The following MTARC2 variants were observed in gnomAD, a reference collection of about 807,000 sequenced individuals.
The protein encoded by MTARC2 is MOCO sulphurase C-terminal domain containing 2.
In MTARC2, 27 loss-of-function variants were observed where a neutral mutation model predicts 35.6. That is an observed-to-expected ratio of 0.76 (90% confidence interval 0.56 to 1.04). The LOEUF (loss-of-function observed/expected upper bound fraction) is 1.04. Ranked by LOEUF, MTARC2 falls within the 50% of genes least tolerant of loss-of-function variation. The pLI is 0.00. For missense variants in MTARC2, 412 were observed against 432.5 expected (o/e 0.95, Z 0.42); for synonymous variants, 158 against 167.1 (o/e 0.95, Z 0.42).
At chr1:220,750,166 C>T (rs903273472) in intron 1 of MTARC2, among the ~76,000 whole-genome samples, 3 of 152,028 alleles carry the variant, frequency 2.0e-5, no homozygotes, top group African/African-American at 4.8e-5. Flanking sequence ...GGATTTTATC[C>T]GAGACCATGA....
rs772650406 is a variant in MTARC2, at chr1:220,762,904, G to T, written c.610-6G>T. On this transcript the variant is annotated splice_polypyrimidine_tract_variant and splice_region_variant and intron_variant, in intron 3 of 7. Coordinates refer to ENST00000366913, the MANE Select transcript of MTARC2 (RefSeq NM_017898.5). ...TGGGGCCTGACTATCCTGTGTTCTT[G>T]GCAAGGTGGCCTACCCAGACTACTG... The T allele has an allele frequency of 6.8e-6, 11 of 1,613,916 alleles. No individual in the cohort carries two copies. Among genetic ancestry groups the T allele is most frequent in the Non-Finnish European group, 8.5e-6 (10 of 1,179,976 alleles).
At chr1:220,769,854 T>G (rs562838697) in intron 4 of MTARC2, among the ~76,000 whole-genome samples, 41 of 147,808 alleles carry the variant, frequency 2.8e-4, no homozygotes, top group African/African-American at 9.8e-4. Flanking sequence ...TTTCTTTTTT[T>G]TTTTGGCGGT....
At chr1:220,763,281 A>G (rs1014179515) in intron 4 of MTARC2, among the ~76,000 whole-genome samples, 1 of 152,212 alleles carries the variant, frequency 6.6e-6, no homozygotes, top group African/African-American at 2.4e-5. Flanking sequence ...CAAAGCAAAC[A>G]GTCAAAACTC....
Position 220,762,988 on chromosome 1 carries a change from A to G in MTARC2, c.688A>G (p.Lys230Glu), listed in dbSNP as rs1462329629. ...LVDLNTRMEK[K>E]MKMENFRPNI... is the part of the protein sequence containing the mutation. ...AGATTTGAATACCAGGATGGAGAAG[A>G]AAATGAAAATGGAGAATTTCAGGCC... The change falls in exon 4 of 8, where the codon AAA becomes GAA. Residue 230 changes from lysine to glutamate, a missense_variant. By Grantham distance (56) the Lys-to-Glu change is moderately conservative. Transcript: ENST00000366913. 1.9e-6 allele frequency: 3 copies of G among 1,614,210 alleles called. No homozygotes were observed. Among genetic ancestry groups the G allele is most frequent in the Non-Finnish European group, 1.7e-6 (2 of 1,180,038 alleles).
chr1:220,764,058 T>C (rs971211232), intron 4 of MTARC2, among the ~76,000 whole-genome samples: 1 of 152,100 alleles, frequency 6.6e-6, no homozygotes, highest in African/African-American at 2.4e-5. Flanking sequence ...CCTGAATGAA[T>C]GACCGTACTT....
intron 4 of MTARC2, among the ~76,000 whole-genome samples, chr1:220,779,552 G>A (rs937975897): frequency 6.6e-6 from 1 of 152,148 alleles, no homozygotes; most frequent in Non-Finnish European, 1.5e-5. Flanking sequence ...CCCATTAGCA[G>A]GCTGCCTGTC....
intron 1 of MTARC2, chr1:220,754,254 A>C (rs1671215905): frequency 4.4e-6 from 2 of 452,518 alleles, no homozygotes; most frequent in African/African-American, 4.0e-5. Context: ...TCTTCAGCTC[A>C]TCCCATAGAA....
intron 6 of MTARC2, 25 bp downstream of exon 6, chr1:220,780,264 A>G: frequency 6.3e-7 from 1 of 1,593,704 alleles, no homozygotes; most frequent in Non-Finnish European, 8.6e-7. Context: ...CAGCCAGTGT[A>G]TTTTAAATAT....
rs1672148270 is a variant in MTARC2 at position 220,783,941 on chromosome 1, G to T, written c.*54G>T. The T allele has an allele frequency of 1.4e-6, 1 of 717,430 alleles. No homozygotes were observed. The highest frequency in any genetic ancestry group is 2.0e-5 in the Admixed American group (1 of 50,008). 44.4% of individuals were successfully genotyped at this position (717,430 alleles called of 1,614,324 possible). On this transcript the variant is annotated 3_prime_UTR_variant, in exon 8 of 8. Coordinates refer to ENST00000366913, the MANE Select transcript of MTARC2 (RefSeq NM_017898.5). Reference sequence around the variant, plus strand: ...CAGGCTTCAGCAACCAGGAGGGATTGACTGAGATCTTAACAACAGCAGCAA... The same window carrying T: ...CAGGCTTCAGCAACCAGGAGGGATTTACTGAGATCTTAACAACAGCAGCAA...
At chr1:220,753,823 G>A (rs537690387) in intron 1 of MTARC2, among the ~76,000 whole-genome samples, 1 of 152,312 alleles carries the variant, frequency 6.6e-6, no homozygotes, top group Admixed American at 6.5e-5. Flanking sequence ...GGCTGAGGCG[G>A]CAGGTCACTT....
Position 220,774,126 on chromosome 1 carries a change from C to T in MTARC2, c.751-5892C>T, listed in dbSNP as rs369456712. Among the ~76,000 whole-genome samples the T allele has an allele frequency of 1.1e-4, 17 of 151,108 alleles. 1 individual carries two copies. Among genetic ancestry groups the T allele is most frequent in the African/African-American group, 2.9e-4 (12 of 41,108 alleles). On this transcript the variant is annotated intron_variant, in intron 4 of 7. Transcript: ENST00000366913. ...TGTCGCCCATGCTGGAGTGCGGTGA[C>T]GTGATCTCGGCTCACTGCAACCTCT...
chr1:220,763,162 T>C, intron 4 of MTARC2, 112 bp downstream of exon 4: 1 of 1,413,978 alleles, frequency 7.1e-7, no homozygotes, highest in Non-Finnish European at 9.9e-7. Context: ...AGTCATTCAC[T>C]CATTGCTGCT....
rs749054035 is a variant in MTARC2 at position 220,748,686 on chromosome 1, AG to A, written c.156del (p.Gln52HisfsTer14). 9 of 1,588,778 alleles carry A rather than the reference AG, an allele frequency of 5.7e-6. No individual in the cohort carries two copies. Among genetic ancestry groups the A allele is most frequent in the Non-Finnish European group, 7.7e-6 (9 of 1,169,060 alleles). On this transcript the variant is annotated frameshift_variant, in exon 1 of 8. Coordinates refer to ENST00000366913, the MANE Select transcript of MTARC2 (RefSeq NM_017898.5). LOFTEE classifies it high-confidence loss of function. ...RAWPRRRRRL[Q>X]QVGTVAKLWI... ...TGGCCCAGGCGGCGCCGGCGGCTGC[AG>A]CAGGTGGGCACCGTGGCGAAGCTCT...
chr1:220,762,471 G>T (rs1671465771), intron 3 of MTARC2, among the ~76,000 whole-genome samples: 1 of 152,202 alleles, frequency 6.6e-6, no homozygotes, highest in Non-Finnish European at 1.5e-5. Flanking sequence ...GAGGGCAGGG[G>T]TTTTTATCTG....
intron 4 of MTARC2, chr1:220,770,261 C>T (rs1572309682): frequency 1.8e-5 from 5 of 280,402 alleles, no homozygotes; most frequent in African/African-American, 4.6e-5. Context: ...CTAGTTTATC[C>T]CTGCCCCTGA....
chr1:220,764,742 A>T (rs1433372796), intron 4 of MTARC2, among the ~76,000 whole-genome samples: 1 of 151,924 alleles, frequency 6.6e-6, no homozygotes, highest in Non-Finnish European at 1.5e-5. Context: ...ACTGCACTCC[A>T]GTCTGGGTGA....
intron 1 of MTARC2, among the ~76,000 whole-genome samples, chr1:220,751,416 G>A (rs75917278): frequency 0.01 from 1,576 of 152,262 alleles, 29 homozygotes; most frequent in East Asian, 0.068. Flanking sequence ...CCATATGTGA[G>A]TTGATCAGTT....
intron 4 of MTARC2, among the ~76,000 whole-genome samples, chr1:220,767,302 T>C (rs1289546812): frequency 6.6e-6 from 1 of 152,198 alleles, no homozygotes; most frequent in Non-Finnish European, 1.5e-5. Flanking sequence ...CTCTTAAATA[T>C]TAATGTAAAA....
At position 220,775,577 on chromosome 1, in the gene MTARC2, A is replaced by G. The variant is rs114374312; in HGVS notation, c.751-4441A>G. Reference sequence around the variant, plus strand: ...AGGGGTACAGGTGCAGGTTTTTTATATAGGTAAATTGTGTGTTGCTGAGGG... The same window carrying G: ...AGGGGTACAGGTGCAGGTTTTTTATGTAGGTAAATTGTGTGTTGCTGAGGG... On this transcript the variant is annotated intron_variant, in intron 4 of 7. Transcript: ENST00000366913. Among the ~76,000 whole-genome samples the G allele has an allele frequency of 3.2e-3, 483 of 152,220 alleles. 3 individuals carry two copies. The highest frequency in any genetic ancestry group is 0.011 in the African/African-American group (454 of 41,528).
Sources: gnomAD v4.1 joint callset for allele counts (sites outside exome capture counted in the v4.1 genomes callset) on GRCh38, gnomAD v4.1.1 for gene constraint, MANE v1.5 for transcripts, NCBI Gene and HGNC (gene_info 2026-07-23, HGNC 2026-07-21) for gene names.